NUP62CL: variants seen among roughly 807,000 people sequenced by gnomAD.
NUP62CL encodes nucleoporin 62 C-terminal like, also known as nucleoporin-62 C-terminal-like protein.
In NUP62CL, 13 loss-of-function variants were observed where a neutral mutation model predicts 15.3. The ratio of observed to expected loss-of-function variants is 0.85; its 90% confidence interval spans 0.55 to 1.35. The LOEUF is 1.35. NUP62CL is among the 40% of genes most tolerant of loss of function. NUP62CL has a pLI of 0.00. For missense variants in NUP62CL, 123 were observed against 130.6 expected (o/e 0.94, Z 0.28); for synonymous variants, 54 against 49.2 (o/e 1.10, Z -0.41).
chrX:107,132,930 A>C (rs1925555106), intron 8 of NUP62CL, among the ~76,000 whole-genome samples: 1 of 112,105 alleles, frequency 8.9e-6, no homozygotes, highest in Admixed American at 9.4e-5. Flanking sequence ...TGTAGGTGAA[A>C]AGTGTGACAA....
At chrX:107,196,922 G>A (rs770979661) in intron 1 of NUP62CL, among the ~76,000 whole-genome samples, 5 of 111,726 alleles carry the variant, frequency 4.5e-5, no homozygotes, top group Non-Finnish European at 7.5e-5. Context: ...TTTTCTTTAG[G>A]TTGGTATTGG....
chrX:107,139,558 A>G (rs1023191421), intron 8 of NUP62CL, among the ~76,000 whole-genome samples: 1 of 112,191 alleles, frequency 8.9e-6, no homozygotes, highest in South Asian at 3.7e-4. Flanking sequence ...CAGCTCAGTA[A>G]CCATATAATA....
chrX:107,185,145 C>G (rs904841199), intron 2 of NUP62CL, among the ~76,000 whole-genome samples: 2 of 89,169 alleles, frequency 2.2e-5, no homozygotes, highest in Non-Finnish European at 4.1e-5. Flanking sequence ...TGCAGTGAGC[C>G]GAGATCGCGC....
intron 2 of NUP62CL, among the ~76,000 whole-genome samples, chrX:107,189,312 T>C (rs936787891): frequency 1.8e-5 from 2 of 111,245 alleles, no homozygotes; most frequent in Middle Eastern, 4.7e-3. Flanking sequence ...TGGGTATTTA[T>C]CCCAGAGTAA....
intron 8 of NUP62CL, among the ~76,000 whole-genome samples, chrX:107,136,669 C>G (rs1221211071): frequency 3.6e-5 from 4 of 112,324 alleles, no homozygotes. Context: ...TAAAAATCCT[C>G]AACAAAAGAC....
chrX:107,182,574 A>AG (rs1491016192), intron 2 of NUP62CL, among the ~76,000 whole-genome samples: 3 of 64,595 alleles, frequency 4.6e-5, no homozygotes, highest in African/African-American at 2.8e-4. Flanking sequence ...ACTACAAGAT[A>AG]GGGGGGGCAT....
chrX:107,128,654 A>G (rs1252402454), intron 8 of NUP62CL, among the ~76,000 whole-genome samples: 1 of 111,894 alleles, frequency 8.9e-6, no homozygotes, highest in Non-Finnish European at 1.9e-5. Context: ...GAGCCAAGGC[A>G]GTCAAGGAAG....
At chrX:107,157,348 G>T (rs1458087703) in intron 4 of NUP62CL, among the ~76,000 whole-genome samples, 1 of 108,460 alleles carries the variant, frequency 9.2e-6, no homozygotes, top group Non-Finnish European at 1.9e-5. Context: ...AAGTTGAAAT[G>T]AAGGAAAAAA....
intron 3 of NUP62CL, among the ~76,000 whole-genome samples, chrX:107,168,395 G>T (rs1194519665): frequency 2.7e-5 from 3 of 111,671 alleles, no homozygotes; most frequent in Non-Finnish European, 1.9e-5. Context: ...GCCTCTCAAA[G>T]CTTTATCTAC....
rs1008190024 is a variant in NUP62CL, at chrX:107,144,075, G to A, written c.*42+3668C>T. On this transcript the variant is annotated intron_variant, in intron 8 of 8. Coordinates refer to ENST00000372466, the MANE Select transcript of NUP62CL (RefSeq NM_017681.3). ...TTGAGAACCAATATGAAATCTCATC[G>A]CCTCTCCAGCTCAAATGAATTTTTA... Among the ~76,000 whole-genome samples, 4 of 110,783 alleles carry A rather than the reference G, an allele frequency of 3.6e-5. No individual in the cohort carries two copies. In the East Asian group the frequency reaches 8.4e-4, roughly 23 times the overall value.
At chrX:107,184,233 T>G (rs1302288311) in intron 2 of NUP62CL, among the ~76,000 whole-genome samples, 2 of 104,684 alleles carry the variant, frequency 1.9e-5, no homozygotes, top group African/African-American at 3.5e-5. Context: ...AACAAATTCA[T>G]CAACAAACAA....
At chrX:107,183,789 A>C (rs933414957) in intron 2 of NUP62CL, among the ~76,000 whole-genome samples, 11 of 111,318 alleles carry the variant, frequency 9.9e-5, no homozygotes, top group Non-Finnish European at 1.3e-4. Context: ...TCCTATCTGC[A>C]CTCATGCTAG....
At chrX:107,165,120 C>A (rs1926483292) in intron 4 of NUP62CL, among the ~76,000 whole-genome samples, 1 of 108,315 alleles carries the variant, frequency 9.2e-6, no homozygotes, top group African/African-American at 3.4e-5. Context: ...AACAAACAAA[C>A]AAACAAAACA....
rs1311040515 is a variant in NUP62CL at position 107,153,462 on chromosome X, A to T, written c.387T>A (p.Asp129Glu). The T allele has an allele frequency of 8.6e-7, 1 of 1,160,056 alleles. No homozygotes were observed. The highest frequency in any genetic ancestry group is 1.1e-6 in the Non-Finnish European group (1 of 869,737). ...GAAATCTAAGGTTCTACCTTTTCTG[A>T]TCCAGTTTCACTTTGTTCACTTCTC... ...LHGEVNKVKL[D>E]QKRLEQELDF... Residue 129 changes from aspartate (D) to glutamate (E), a missense_variant, in exon 6 of 9, where the codon GAT becomes GAA. By Grantham distance (45) the Asp-to-Glu change is conservative. Coordinates refer to ENST00000372466, the MANE Select transcript of NUP62CL (RefSeq NM_017681.3).
At chrX:107,163,901 C>T (rs1470762626) in intron 4 of NUP62CL, among the ~76,000 whole-genome samples, 1 of 111,467 alleles carries the variant, frequency 9.0e-6, no homozygotes, top group Non-Finnish European at 1.9e-5. Context: ...GAGAAATCCA[C>T]AATTAAAGGC....
intron 4 of NUP62CL, among the ~76,000 whole-genome samples, chrX:107,162,358 T>C (rs1040743712): frequency 9.0e-6 from 1 of 110,717 alleles, no homozygotes; most frequent in Non-Finnish European, 1.9e-5. Context: ...TGTGAAAAGA[T>C]ATAAACTCAT....
At chrX:107,160,982 G>C (rs1393809844) in intron 4 of NUP62CL, among the ~76,000 whole-genome samples, 1 of 111,214 alleles carries the variant, frequency 9.0e-6, no homozygotes, top group Admixed American at 9.5e-5. Flanking sequence ...GACATGAACA[G>C]ACACTTCTCA....
intron 2 of NUP62CL, among the ~76,000 whole-genome samples, chrX:107,183,912 C>A (rs2147812474): frequency 9.1e-6 from 1 of 110,354 alleles, no homozygotes; most frequent in East Asian, 2.9e-4. Flanking sequence ...GTTTTTCATC[C>A]CTGCCAGCAG....
chrX:107,197,787 G>A (rs749920932), intron 1 of NUP62CL, among the ~76,000 whole-genome samples: 3 of 111,497 alleles, frequency 2.7e-5, no homozygotes, highest in South Asian at 7.6e-4. Flanking sequence ...ACAACTGAAT[G>A]AGTGTTGATG....
Sources: allele counts gnomAD v4.1 joint callset (sites outside exome capture counted in the v4.1 genomes callset), GRCh38; gene constraint gnomAD v4.1.1; transcripts MANE v1.5; gene names NCBI Gene and HGNC (gene_info 2026-07-23, HGNC 2026-07-21).